The following SNTG1 variants were observed in gnomAD, a reference collection of about 807,000 sequenced individuals.
The protein encoded by SNTG1 is gamma-1-syntrophin.
In SNTG1, 39 loss-of-function variants were observed where a neutral mutation model predicts 74.7. That is an observed-to-expected ratio of 0.52 (90% CI 0.40 to 0.68). The LOEUF (loss-of-function observed/expected upper bound fraction) is 0.68, where lower values mean the gene tolerates loss of function less well. Among genes scored for constraint, SNTG1 ranks in the 30% least tolerant of loss-of-function variants. The pLI, the probability that SNTG1 is intolerant of heterozygous loss-of-function variation, is 0.00. For missense variants in SNTG1, 685 were observed against 609.5 expected (o/e 1.12, Z -1.30); for synonymous variants, 254 against 217.1 (o/e 1.17, Z -1.49).
chr8:50,167,775 T>A (rs573445105), intron 1 of SNTG1, among the ~76,000 whole-genome samples: 1 of 143,952 alleles, frequency 6.9e-6, no homozygotes, highest in South Asian at 2.2e-4. Flanking sequence ...ATCACACCAG[T>A]GGACCCCAGG....
At chr8:50,073,799 G>T (rs536003697) in intron 1 of SNTG1, among the ~76,000 whole-genome samples, 2 of 151,774 alleles carry the variant, frequency 1.3e-5, no homozygotes, top group Admixed American at 6.6e-5. Context: ...GCTTTTGAAA[G>T]AAATTTTTTG....
At chr8:50,009,777 C>T (rs1420123205) in intron 1 of SNTG1, among the ~76,000 whole-genome samples, 1 of 152,126 alleles carries the variant, frequency 6.6e-6, no homozygotes, top group African/African-American at 2.4e-5. Context: ...GTGGGTGGAT[C>T]ATCTGAGATC....
At chr8:49,978,246 GGAGA>G (rs368903520) in intron 1 of SNTG1, among the ~76,000 whole-genome samples, 38 of 150,266 alleles carry the variant, frequency 2.5e-4, no homozygotes, top group Non-Finnish European at 5.0e-4. Context: ...GGGGAGAGAG[GGAGA>G]GAGAGAGAGA....
chr8:50,222,446 T>C (rs992744010), intron 2 of SNTG1, among the ~76,000 whole-genome samples: 1 of 152,210 alleles, frequency 6.6e-6, no homozygotes, highest in Non-Finnish European at 1.5e-5. Flanking sequence ...ACAAAGATGG[T>C]TTCCCCATCA....
intron 1 of SNTG1, among the ~76,000 whole-genome samples, chr8:50,083,323 C>G (rs1454378988): frequency 6.6e-6 from 1 of 152,080 alleles, no homozygotes; most frequent in South Asian, 2.1e-4. Context: ...AGAGTCAGAA[C>G]AACATTTTTA....
intron 2 of SNTG1, among the ~76,000 whole-genome samples, chr8:50,352,816 C>T (rs919226945): frequency 2.0e-5 from 3 of 152,122 alleles, no homozygotes; most frequent in South Asian, 2.1e-4. Flanking sequence ...ATTAAAAGAA[C>T]ATTTTTCAAC....
intron 2 of SNTG1, among the ~76,000 whole-genome samples, chr8:50,256,562 A>G (rs767102590): frequency 6.6e-6 from 1 of 152,124 alleles, no homozygotes; most frequent in Non-Finnish European, 1.5e-5. Flanking sequence ...ATATATAAGG[A>G]AATAGCAGAA....
intron 2 of SNTG1, among the ~76,000 whole-genome samples, chr8:50,341,815 A>G (rs2091326277): frequency 6.6e-6 from 1 of 152,046 alleles, no homozygotes; most frequent in South Asian, 2.1e-4. Context: ...TAGCCATAGG[A>G]ACATGACAAG....
chr8:50,128,410 A>T (rs1433195651), intron 1 of SNTG1, among the ~76,000 whole-genome samples: 1 of 152,186 alleles, frequency 6.6e-6, no homozygotes, highest in East Asian at 1.9e-4. Context: ...ATTTAAAAGC[A>T]ATATTACTTT....
intron 5 of SNTG1, among the ~76,000 whole-genome samples, chr8:50,444,735 G>T (rs190208189): frequency 1.5e-5 from 2 of 130,234 alleles, no homozygotes; most frequent in Non-Finnish European, 3.1e-5. Context: ...GGGCGACAGA[G>T]CAAGACTCCA....
intron 15 of SNTG1, among the ~76,000 whole-genome samples, chr8:50,678,293 AT>A (rs1297042120): frequency 6.6e-6 from 1 of 152,008 alleles, no homozygotes; most frequent in East Asian, 1.9e-4. Context: ...TTGAATTGAT[AT>A]GTTCTATTGC....
intron 8 of SNTG1, among the ~76,000 whole-genome samples, chr8:50,476,958 C>T (rs963603835): frequency 1.3e-5 from 2 of 151,806 alleles, no homozygotes; most frequent in East Asian, 1.9e-4. Flanking sequence ...GAAAGAGGCC[C>T]CAATGGCCAA....
chr8:49,934,732 T>A (rs916138361), intron 1 of SNTG1, among the ~76,000 whole-genome samples: 1 of 152,194 alleles, frequency 6.6e-6, no homozygotes, highest in Non-Finnish European at 1.5e-5. Flanking sequence ...GAGCAACATG[T>A]TTGTGTATGC....
intron 2 of SNTG1, among the ~76,000 whole-genome samples, chr8:50,368,786 A>G (rs1438885997): frequency 2.0e-5 from 3 of 152,186 alleles, no homozygotes; most frequent in Admixed American, 2.0e-4. Context: ...CAGACTTCAG[A>G]TTTAATGAAA....
chr8:50,414,467 G>A (rs969545271), intron 4 of SNTG1, among the ~76,000 whole-genome samples: 2 of 151,892 alleles, frequency 1.3e-5, no homozygotes, highest in Non-Finnish European at 2.9e-5. Context: ...GCAGGTGACG[G>A]TGCCTCTCCT....
At chr8:50,037,932 C>T (rs1217240777) in intron 1 of SNTG1, among the ~76,000 whole-genome samples, 1 of 152,184 alleles carries the variant, frequency 6.6e-6, no homozygotes, top group Non-Finnish European at 1.5e-5. Flanking sequence ...CCCAAACCTT[C>T]CTCTGACACT....
intron 17 of SNTG1, among the ~76,000 whole-genome samples, chr8:50,734,806 TAG>T (rs746539474): frequency 0.055 from 3,653 of 65,866 alleles, 341 homozygotes; most frequent in Middle Eastern, 0.1. Context: ...GACATATATA[TAG>T]ATATCTATAT....
chr8:50,006,771 G>A (rs1417344642), intron 1 of SNTG1, among the ~76,000 whole-genome samples: 1 of 152,106 alleles, frequency 6.6e-6, no homozygotes, highest in Non-Finnish European at 1.5e-5. Context: ...CCACTAATTA[G>A]GAAAGGGATC....
At chr8:50,477,756 G>A (rs2093708428) in intron 8 of SNTG1, among the ~76,000 whole-genome samples, 1 of 152,128 alleles carries the variant, frequency 6.6e-6, no homozygotes, top group Non-Finnish European at 1.5e-5. Flanking sequence ...TCTCTGTGCT[G>A]TCTTTTCAAG....
Sources: gnomAD v4.1 joint callset for allele counts (sites outside exome capture counted in the v4.1 genomes callset) on GRCh38, gnomAD v4.1.1 for gene constraint, MANE v1.5 for transcripts, NCBI Gene and HGNC (gene_info 2026-07-23, HGNC 2026-07-21) for gene names.